TENM4: variants seen among roughly 807,000 people sequenced by gnomAD.
The protein encoded by TENM4 is teneurin transmembrane protein 4.
In TENM4, 82 loss-of-function variants were observed where a neutral mutation model predicts 243.3. The ratio of observed to expected loss-of-function variants is 0.34; its 90% CI spans 0.28 to 0.40. TENM4 has a LOEUF of 0.40. Ranked by LOEUF, TENM4 falls within the 10% of genes least tolerant of loss-of-function variation. The pLI, the probability that TENM4 is intolerant of heterozygous loss-of-function variation, is 1.00. For missense variants in TENM4, 3,138 were observed against 3,673.3 expected (o/e 0.85, Z 3.77); for synonymous variants, 1,412 against 1,456.3 (o/e 0.97, Z 0.69).
At chr11:78,897,741 C>A (rs1423918487) in intron 7 of TENM4, among the ~76,000 whole-genome samples, 1 of 152,182 alleles carries the variant, frequency 6.6e-6, no homozygotes, top group East Asian at 1.9e-4. Context: ...ACTGTATATC[C>A]CAATTCTCTG....
At chr11:79,065,677 G>A (rs1176089468) in intron 5 of TENM4, among the ~76,000 whole-genome samples, 1 of 152,176 alleles carries the variant, frequency 6.6e-6, no homozygotes, top group African/African-American at 2.4e-5. Flanking sequence ...CTCACACCAG[G>A]AAAAAGGCTC....
intron 19 of TENM4, among the ~76,000 whole-genome samples, chr11:78,753,274 T>A (rs1349867347): frequency 6.6e-6 from 1 of 152,194 alleles, no homozygotes; most frequent in Non-Finnish European, 1.5e-5. Flanking sequence ...ACAGCTTTCA[T>A]GAAAGAGTAC....
rs763485258 is a variant in TENM4, at chr11:78,708,470, G to A, written c.4100C>T (p.Thr1367Ile). 2.7e-5 allele frequency: 43 copies of A among 1,613,902 alleles called. No individual in the cohort carries two copies. Among genetic ancestry groups the A allele is most frequent in the Non-Finnish European group, 3.6e-5 (43 of 1,179,900 alleles). The part of the protein sequence containing the change: ...KFGLIYFVDG[T>I]MIRRIDQNGI... The stretch of plus-strand genomic sequence containing the variant: ...ATTCTGATCGATGCGTCTGATCATG[G>A]TGCCATCCACGAAGTAGATCAGCCC... The change falls in exon 27 of 34, where the codon ACC becomes ATC. Residue 1367 changes from threonine to isoleucine, a missense_variant. Around this residue, in one of 2 missense-constraint regions of TENM4, gnomAD observed 2,467 missense variants for 3,059.1 expected, o/e 0.81. Coordinates refer to ENST00000278550, the MANE Select transcript of TENM4 (RefSeq NM_001098816.3).
At chr11:78,849,418 G>A (rs533694704) in intron 12 of TENM4, among the ~76,000 whole-genome samples, 1 of 152,228 alleles carries the variant, frequency 6.6e-6, no homozygotes, top group South Asian at 2.1e-4. Flanking sequence ...GGTATTGTGG[G>A]GACCTTAACT....
At position 79,239,726 on chromosome 11, in the gene TENM4, C is replaced by A. The variant is rs182997366; in HGVS notation, c.-264-23817G>T. ...CATTCAGCACCTACTATTCCTGGGGCACTCTGCGGAGTGTTCTACATGTTT... is the reference window on the plus strand; with the variant it reads ...CATTCAGCACCTACTATTCCTGGGGAACTCTGCGGAGTGTTCTACATGTTT... On this transcript the variant is annotated intron_variant, in intron 2 of 33. Transcript: ENST00000278550. Among the ~76,000 whole-genome samples the A allele has an allele frequency of 2.2e-3, 328 of 152,296 alleles. 1 individual carries two copies. The highest frequency in any genetic ancestry group is 4.5e-3 in the Admixed American group (69 of 15,296).
At chr11:78,719,745 A>C (rs1004300105) in intron 25 of TENM4, among the ~76,000 whole-genome samples, 2 of 152,178 alleles carry the variant, frequency 1.3e-5, no homozygotes, top group African/African-American at 4.8e-5. Context: ...ACAGGCAGAC[A>C]CTTCTCTTGG....
intron 6 of TENM4, among the ~76,000 whole-genome samples, chr11:78,971,407 T>C (rs1401193619): frequency 6.6e-6 from 1 of 152,004 alleles, no homozygotes; most frequent in Non-Finnish European, 1.5e-5. Flanking sequence ...GGTTCAAGTG[T>C]TTCTCCTGCC....
intron 6 of TENM4, among the ~76,000 whole-genome samples, chr11:78,974,742 A>C (rs1857614111): frequency 7.3e-6 from 1 of 136,796 alleles, no homozygotes. Flanking sequence ...TTTTTTTGAG[A>C]CAGAGTCCCA....
At position 79,064,869 on chromosome 11, in the gene TENM4, G is replaced by A. The variant is rs985357407; in HGVS notation, c.362C>T (p.Thr121Met). 9.7e-6 allele frequency: 15 copies of A among 1,550,740 alleles called. No individual in the cohort carries two copies. The highest frequency in any genetic ancestry group is 4.1e-5 in the African/African-American group (3 of 73,024). ...CACGGGGTGCTCAGGGGACAGCACC[G>A]TGTCAGCCTCCATGTCGGCATCAGA... is the stretch of plus-strand genomic sequence containing the variant. ...AGSDADMEAD[T>M]VLSPEHPVRL... The change falls in exon 6 of 34, where the codon ACG (threonine) becomes ATG (methionine). Residue 121 changes from threonine to methionine, a missense_variant. Transcript: ENST00000278550.
chr11:79,413,864 C>CA (rs962835295), intron 1 of TENM4, among the ~76,000 whole-genome samples: 4 of 150,610 alleles, frequency 2.7e-5, no homozygotes, highest in East Asian at 1.9e-4. Flanking sequence ...ATCATGTCTG[C>CA]AAAAAAAAGG....
At chr11:79,367,975 A>C (rs957984205) in intron 1 of TENM4, among the ~76,000 whole-genome samples, 9 of 152,206 alleles carry the variant, frequency 5.9e-5, no homozygotes, top group African/African-American at 1.7e-4. Context: ...AATCTGACTA[A>C]AGCAGGTGGA....
At chr11:79,156,628 T>C (rs986293070) in intron 3 of TENM4, among the ~76,000 whole-genome samples, 3 of 152,184 alleles carry the variant, frequency 2.0e-5, no homozygotes, top group African/African-American at 7.2e-5. Context: ...AGGTCCATCC[T>C]GAGCTTCCAG....
intron 6 of TENM4, among the ~76,000 whole-genome samples, chr11:79,045,385 G>T (rs944406370): frequency 1.3e-5 from 2 of 152,294 alleles, no homozygotes; most frequent in South Asian, 4.2e-4. Flanking sequence ...GGGGTCAGTG[G>T]GGTCAGAAGG....
intron 3 of TENM4, among the ~76,000 whole-genome samples, chr11:79,152,440 C>G (rs566081154): frequency 6.6e-5 from 10 of 152,156 alleles, no homozygotes; most frequent in Admixed American, 1.3e-4. Flanking sequence ...CCTAGACTTG[C>G]AAATGAAGCC....
At position 79,246,423 on chromosome 11, in the gene TENM4, T is replaced by C. The variant is rs190070842; in HGVS notation, c.-264-30514A>G. The stretch of plus-strand genomic sequence containing the variant: ...GATACCAGGCCTATGAACCTCTAAT[T>C]CCTTTCTGAGGTATATACCCAACAC... On this transcript the variant is annotated intron_variant, in intron 2 of 33. Transcript: ENST00000278550. 2.0e-5 allele frequency among the ~76,000 whole-genome samples: 3 copies of C among 152,298 alleles called. No individual in the cohort carries two copies. In the East Asian group the frequency reaches 5.8e-4, roughly 29 times the overall value.
At chr11:78,905,691 T>C (rs1446563985) in intron 6 of TENM4, among the ~76,000 whole-genome samples, 1 of 152,156 alleles carries the variant, frequency 6.6e-6, no homozygotes, top group African/African-American at 2.4e-5. Flanking sequence ...ATGTGAATGG[T>C]ACTCCCTGAA....
intron 12 of TENM4, among the ~76,000 whole-genome samples, chr11:78,840,532 C>T (rs912401451): frequency 3.9e-5 from 6 of 152,184 alleles, no homozygotes; most frequent in African/African-American, 1.4e-4. Context: ...GGCGTTTCAA[C>T]AGAAAGTCTT....
At chr11:79,014,420 G>A (rs1164728635) in intron 6 of TENM4, among the ~76,000 whole-genome samples, 2 of 152,200 alleles carry the variant, frequency 1.3e-5, no homozygotes, top group African/African-American at 4.8e-5. Context: ...ATCTAATTAA[G>A]GCTCACAATG....
intron 1 of TENM4, among the ~76,000 whole-genome samples, chr11:79,372,672 T>C (rs1439673270): frequency 6.6e-6 from 1 of 152,196 alleles, no homozygotes; most frequent in African/African-American, 2.4e-5. Flanking sequence ...AAGCATCACT[T>C]TCCTCTTCTG....
Sources: gnomAD v4.1 joint callset for allele counts (sites outside exome capture counted in the v4.1 genomes callset) on GRCh38, gnomAD v4.1.1 for gene constraint, gnomAD v4.1.1 regional missense constraint, MANE v1.5 for transcripts, NCBI Gene and HGNC (gene_info 2026-07-23, HGNC 2026-07-21) for gene names.